CNTN6: variants seen among roughly 807,000 people sequenced by gnomAD.
CNTN6 encodes the protein contactin 6.
CNTN6 carries 137 observed loss-of-function variants against 122.8 expected under a neutral mutation model. The observed-to-expected ratio is 1.12, with a 90% CI of 0.97 to 1.29. CNTN6 has a LOEUF of 1.29. CNTN6 is among the 50% of genes most tolerant of loss of function. CNTN6 has a pLI of 0.00. For missense variants in CNTN6, 1,634 were observed against 1,223.4 expected (o/e 1.34, Z -5.01); for synonymous variants, 570 against 426.0 (o/e 1.34, Z -4.16).
chr3:1,184,351 T>C (rs574837930), intron 2 of CNTN6, among the ~76,000 whole-genome samples: 3 of 152,302 alleles, frequency 2.0e-5, no homozygotes, highest in South Asian at 2.1e-4. Context: ...TATATGTCAT[T>C]GAATGTAGTT....
chr3:1,401,280 A>C (rs1018374447), intron 20 of CNTN6, 153 bp from the exon 21 acceptor site: 115 of 615,822 alleles, frequency 1.9e-4, no homozygotes, highest in Non-Finnish European at 2.8e-4. Flanking sequence ...GCTTACTGTG[A>C]TTAGAATTAA....
chr3:1,327,399 G>A (rs1441689404), intron 9 of CNTN6, 58 bp from the exon 10 acceptor site: 5 of 1,523,308 alleles, frequency 3.3e-6, no homozygotes, highest in African/African-American at 1.4e-5. Context: ...AACATATCCT[G>A]GTTAAGAGAA....
intron 1 of CNTN6, among the ~76,000 whole-genome samples, chr3:1,141,387 G>A (rs920014710): frequency 4.6e-5 from 7 of 152,158 alleles, no homozygotes; most frequent in Admixed American, 3.3e-4. Context: ...AACGAAGCCC[G>A]TGAGGAGTCA....
At chr3:1,100,097 G>A (rs139701434) in intron 1 of CNTN6, among the ~76,000 whole-genome samples, 3,454 of 152,056 alleles carry the variant, frequency 0.023, 52 homozygotes, top group Non-Finnish European at 0.033. Flanking sequence ...GACTTATGAC[G>A]TGATTTCCTG....
At chr3:1,398,259 A>G (rs1212145631) in intron 20 of CNTN6, among the ~76,000 whole-genome samples, 1 of 152,204 alleles carries the variant, frequency 6.6e-6, no homozygotes, top group African/African-American at 2.4e-5. Context: ...CAGTACTCAC[A>G]TTAAGGTGAT....
At chr3:1,230,703 A>G (rs2094342570) in intron 4 of CNTN6, among the ~76,000 whole-genome samples, 1 of 152,186 alleles carries the variant, frequency 6.6e-6, no homozygotes, top group African/African-American at 2.4e-5. Flanking sequence ...GCTTTCTTAA[A>G]GTATGTTGTT....
intron 20 of CNTN6, among the ~76,000 whole-genome samples, chr3:1,399,593 A>G (rs1363060952): frequency 6.6e-6 from 1 of 152,090 alleles, no homozygotes; most frequent in Admixed American, 6.6e-5. Flanking sequence ...GGTCTTGATC[A>G]TAGGACAACA....
chr3:1,198,374 AC>A (rs2093808612), intron 2 of CNTN6, among the ~76,000 whole-genome samples: 1 of 152,220 alleles, frequency 6.6e-6, no homozygotes, highest in South Asian at 2.1e-4. Context: ...GAATCCTTTA[AC>A]CTAATTTTTC....
At chr3:1,166,347 C>T (rs1489973121) in intron 2 of CNTN6, among the ~76,000 whole-genome samples, 2 of 152,090 alleles carry the variant, frequency 1.3e-5, no homozygotes, top group African/African-American at 4.8e-5. Flanking sequence ...CCCGGGAGTG[C>T]TGAGATCTGA....
At chr3:1,240,622 C>G (rs1162253218) in intron 4 of CNTN6, among the ~76,000 whole-genome samples, 1 of 151,540 alleles carries the variant, frequency 6.6e-6, no homozygotes, top group Non-Finnish European at 1.5e-5. Flanking sequence ...TTGGAGATTC[C>G]TTAAAGGACT....
intron 20 of CNTN6, among the ~76,000 whole-genome samples, chr3:1,391,737 C>T (rs1399976149): frequency 6.7e-6 from 1 of 149,186 alleles, no homozygotes. Context: ...GTACAAAAAT[C>T]ACAAGCATTC....
chr3:1,307,091 A>G (rs1299643704), intron 7 of CNTN6, among the ~76,000 whole-genome samples: 2 of 152,174 alleles, frequency 1.3e-5, no homozygotes, highest in Non-Finnish European at 2.9e-5. Context: ...AGAAGATTAC[A>G]TAAAGGCCCC....
At position 1,401,463 on chromosome 3, in the gene CNTN6, G is replaced by A; in HGVS notation, c.2735G>A (p.Trp912Ter). The change falls in exon 21 of 23, where the codon TGG becomes TAG. Residue 912 changes from tryptophan to a stop codon, truncating the protein, a stop_gained. Transcript: ENST00000446702. LOFTEE classifies it high-confidence loss of function. ...AGCCAACCACCAGCAAACATTGCCT[G>A]GAAGCTGACAAACTCTAAATTATGC... ...PPSQPPANIA[W>*]KLTNSKLCLN... 1 of 1,611,906 alleles carries A rather than the reference G, an allele frequency of 6.2e-7. No individual in the cohort carries two copies. The highest frequency in any genetic ancestry group is 8.5e-7 in the Non-Finnish European group (1 of 1,178,612).
intron 1 of CNTN6, among the ~76,000 whole-genome samples, chr3:1,136,597 G>T (rs567540306): frequency 1.3e-5 from 2 of 152,256 alleles, no homozygotes; most frequent in East Asian, 3.9e-4. Context: ...TAAACACACT[G>T]TAGGAAGCCT....
intron 5 of CNTN6, among the ~76,000 whole-genome samples, chr3:1,293,951 T>A (rs548100003): frequency 6.6e-6 from 1 of 152,296 alleles, no homozygotes; most frequent in African/African-American, 2.4e-5. Flanking sequence ...CGAAAGAAAT[T>A]GACAGCACAT....
chr3:1,285,798 G>C (rs1694227498), intron 5 of CNTN6, among the ~76,000 whole-genome samples: 2 of 152,196 alleles, frequency 1.3e-5, no homozygotes, highest in Admixed American at 1.3e-4. Context: ...ATCTGGTCCA[G>C]AAGAGACACT....
At chr3:1,402,037 C>A (rs80156916) in intron 21 of CNTN6, among the ~76,000 whole-genome samples, 1 of 151,904 alleles carries the variant, frequency 6.6e-6, no homozygotes, top group Admixed American at 6.6e-5. Flanking sequence ...CCAAACTCAA[C>A]AGTGACTTTC....
At position 1,295,724 on chromosome 3, in the gene CNTN6, A is replaced by C. The variant is rs1402605405; in HGVS notation, c.578A>C (p.Asn193Thr). Reference protein sequence around the residue: ...IAKVEPSDVGNYTCFITNKEA... With the variant: ...IAKVEPSDVGTYTCFITNKEA... The stretch of plus-strand genomic sequence containing the variant: ...AAAGTGGAACCATCAGATGTGGGCA[A>C]CTACACTTGCTTTATAACTAACAAA... Residue 193 changes from asparagine to threonine, a missense_variant, in exon 6 of 23, where the codon AAC becomes ACC. Transcript: ENST00000446702. The C allele has an allele frequency of 6.2e-7, 1 of 1,613,986 alleles. No individual in the cohort carries two copies. The highest frequency in any genetic ancestry group is 1.7e-5 in the Admixed American group (1 of 59,990).
At chr3:1,186,726 C>G (rs2093632231) in intron 2 of CNTN6, among the ~76,000 whole-genome samples, 1 of 152,060 alleles carries the variant, frequency 6.6e-6, no homozygotes, top group Non-Finnish European at 1.5e-5. Flanking sequence ...AGACCTTTTA[C>G]AGTGTGGATG....
Sources: allele counts gnomAD v4.1 joint callset (sites outside exome capture counted in the v4.1 genomes callset), GRCh38; gene constraint gnomAD v4.1.1; transcripts MANE v1.5; gene names NCBI Gene and HGNC (gene_info 2026-07-23, HGNC 2026-07-21).